GABRB2: variants seen among roughly 807,000 people sequenced by gnomAD.
GABRB2 encodes the protein gamma-aminobutyric acid type A receptor subunit beta2.
In GABRB2, 16 loss-of-function variants were observed where a neutral mutation model predicts 54.7. That is an observed-to-expected ratio of 0.29 (90% CI 0.20 to 0.44). The LOEUF is 0.44. GABRB2 is among the 20% of genes least tolerant of loss of function. The pLI is 1.00. For synonymous variants in GABRB2, 244 were observed against 233.8 expected, an observed-to-expected ratio of 1.04 and a Z score of -0.40; for missense variants, 355 against 644.0, an observed-to-expected ratio of 0.55 and a Z score of 4.86.
intron 3 of GABRB2, among the ~76,000 whole-genome samples, chr5:161,473,110 T>G (rs1230241624): frequency 2.0e-5 from 3 of 152,022 alleles, no homozygotes; most frequent in African/African-American, 7.2e-5. Flanking sequence ...TTGAGTTTTT[T>G]AGATGGCTCT....
At chr5:161,532,639 C>T (rs1316262256) in intron 3 of GABRB2, among the ~76,000 whole-genome samples, 2 of 152,142 alleles carry the variant, frequency 1.3e-5, no homozygotes, top group Non-Finnish European at 2.9e-5. Flanking sequence ...AGACATTCTT[C>T]TCTCCCTCAA....
intron 9 of GABRB2, among the ~76,000 whole-genome samples, chr5:161,319,759 A>G (rs1038244236): frequency 2.6e-5 from 4 of 151,696 alleles, no homozygotes; most frequent in South Asian, 4.1e-4. Flanking sequence ...TTGAATTTTC[A>G]TGTCTGATAG....
chr5:161,301,145 G>T (rs1757526245), intron 9 of GABRB2, among the ~76,000 whole-genome samples: 1 of 152,102 alleles, frequency 6.6e-6, no homozygotes, highest in Admixed American at 6.5e-5. Flanking sequence ...TTTGTTCCAA[G>T]GTTTCTGTTC....
intron 5 of GABRB2, among the ~76,000 whole-genome samples, chr5:161,403,164 T>C (rs886716760): frequency 6.6e-6 from 1 of 152,086 alleles, no homozygotes; most frequent in African/African-American, 2.4e-5. Flanking sequence ...GCTGCGTAGC[T>C]CCTAATTTAG....
intron 5 of GABRB2, among the ~76,000 whole-genome samples, chr5:161,384,963 T>C (rs969366216): frequency 9.2e-5 from 14 of 152,128 alleles, no homozygotes; most frequent in African/African-American, 3.1e-4. Flanking sequence ...TTTCATCCTC[T>C]GCCATCCTCT....
intron 9 of GABRB2, among the ~76,000 whole-genome samples, chr5:161,324,166 G>A (rs1001762518): frequency 6.6e-6 from 1 of 152,044 alleles, no homozygotes; most frequent in African/African-American, 2.4e-5. Context: ...AGTTAACTGG[G>A]AAATAACTGT....
chr5:161,502,156 C>G (rs1451446735), intron 3 of GABRB2, among the ~76,000 whole-genome samples: 4 of 150,698 alleles, frequency 2.7e-5, no homozygotes, highest in Non-Finnish European at 5.9e-5. Context: ...CCTAAATGTA[C>G]CTTCATTATG....
intron 4 of GABRB2, among the ~76,000 whole-genome samples, chr5:161,455,894 C>T (rs557500924): frequency 2.6e-5 from 4 of 152,212 alleles, no homozygotes; most frequent in East Asian, 1.9e-4. Flanking sequence ...ACATACCTAC[C>T]GTTAAATTCA....
intron 5 of GABRB2, among the ~76,000 whole-genome samples, chr5:161,379,799 A>C (rs954620782): frequency 6.6e-6 from 1 of 152,108 alleles, no homozygotes; most frequent in Non-Finnish European, 1.5e-5. Context: ...TAAATTGTAA[A>C]TGCAGCTTCC....
chr5:161,467,588 C>T (rs1193232808), intron 3 of GABRB2, among the ~76,000 whole-genome samples: 1 of 152,022 alleles, frequency 6.6e-6, no homozygotes, highest in African/African-American at 2.4e-5. Context: ...TAACTTTAGG[C>T]ATTTTAGAAA....
At chr5:161,386,081 A>T (rs1232544086) in intron 5 of GABRB2, among the ~76,000 whole-genome samples, 1 of 151,850 alleles carries the variant, frequency 6.6e-6, no homozygotes, top group East Asian at 1.9e-4. Flanking sequence ...TGACCACTAG[A>T]CAGTTTCCAC....
intron 3 of GABRB2, among the ~76,000 whole-genome samples, chr5:161,478,748 C>T (rs1758668249): frequency 6.6e-6 from 1 of 151,976 alleles, no homozygotes; most frequent in Admixed American, 6.6e-5. Flanking sequence ...TTTATGCATA[C>T]TTGTGATGAG....
chr5:161,493,317 A>T (rs1268613513), intron 3 of GABRB2, among the ~76,000 whole-genome samples: 1 of 151,582 alleles, frequency 6.6e-6, no homozygotes, highest in African/African-American at 2.4e-5. Context: ...ATTGTAGATA[A>T]TTACATTTTG....
chr5:161,330,328 A>T (rs1753795500), intron 8 of GABRB2: 1 of 152,136 alleles, frequency 6.6e-6, no homozygotes, highest in Admixed American at 6.5e-5. Flanking sequence ...TACTCTTCTT[A>T]TGTTCTTCTG....
At chr5:161,354,171 G>A (rs1219323404) in intron 5 of GABRB2, among the ~76,000 whole-genome samples, 3 of 151,890 alleles carry the variant, frequency 2.0e-5, no homozygotes, top group African/African-American at 7.3e-5. Context: ...CCTAGTCCTG[G>A]GTCTAACTGT....
At position 161,293,957 on chromosome 5, in the gene GABRB2, C is replaced by G. The variant is rs1757303789; in HGVS notation, c.*124G>C. 1 of 731,408 alleles carries G rather than the reference C, an allele frequency of 1.4e-6. No individual in the cohort carries two copies. The allele number at this position is 731,408 out of a possible 1,614,324, so 45.3% of individuals were successfully genotyped here. On this transcript the variant is annotated 3_prime_UTR_variant, in exon 10 of 10. Coordinates refer to ENST00000393959, the MANE Select transcript of GABRB2 (RefSeq NM_001371727.1). The stretch of plus-strand genomic sequence containing the variant: ...GGTATGAAATGGACCACAGGATAGG[C>G]CAGCAACTAAGGTATTTTAGCGTCA...
chr5:161,463,590 T>G (rs1255239662), intron 3 of GABRB2, among the ~76,000 whole-genome samples: 1 of 112,782 alleles, frequency 8.9e-6, no homozygotes, highest in Non-Finnish European at 1.9e-5. Flanking sequence ...TATATATATA[T>G]ATATATATAT....
intron 4 of GABRB2, among the ~76,000 whole-genome samples, chr5:161,449,591 G>A (rs1294118551): frequency 6.6e-6 from 1 of 152,092 alleles, no homozygotes; most frequent in African/African-American, 2.4e-5. Context: ...AACCAACGCT[G>A]AGAACAATCT....
chr5:161,463,560 T>TAG (rs1758187785), intron 3 of GABRB2, among the ~76,000 whole-genome samples: 1 of 59,404 alleles, frequency 1.7e-5, no homozygotes, highest in African/African-American at 5.0e-5. Context: ...TTTATTTATA[T>TAG]ATATATATAT....
Sources: allele counts gnomAD v4.1 joint callset (sites outside exome capture counted in the v4.1 genomes callset), GRCh38; gene constraint gnomAD v4.1.1; transcripts MANE v1.5; gene names NCBI Gene and HGNC (gene_info 2026-07-23, HGNC 2026-07-21).